Variants in MAP3K20 observed in about 807,000 individuals in gnomAD.
MAP3K20 encodes the protein HCCS-4.
A neutral mutation model predicts 85.7 loss-of-function variants in MAP3K20; 40 were observed. The observed-to-expected ratio is 0.47, with a 90% CI of 0.36 to 0.61. The LOEUF is 0.61. Among genes scored for constraint, MAP3K20 ranks in the 20% least tolerant of loss-of-function variants. The pLI is 0.00. For missense variants in MAP3K20, 817 were observed against 961.7 expected (o/e 0.85, Z 1.99); for synonymous variants, 325 against 327.7 (o/e 0.99, Z 0.09).
At chr2:173,157,323 C>CT (rs34277580) in intron 2 of MAP3K20, among the ~76,000 whole-genome samples, 50,565 of 143,192 alleles carry the variant, frequency 0.35, 9,215 homozygotes, top group African/African-American at 0.44. Flanking sequence ...GGTTTGGTAC[C>CT]TTTTTTTTTT....
intron 2 of MAP3K20, among the ~76,000 whole-genome samples, chr2:173,106,842 T>G (rs1314369543): frequency 6.6e-6 from 1 of 152,038 alleles, no homozygotes; most frequent in African/African-American, 2.4e-5. Context: ...ATACAGGAAT[T>G]GGTGGTCAGC....
intron 2 of MAP3K20, among the ~76,000 whole-genome samples, chr2:173,122,049 T>C (rs1559240129): frequency 6.6e-6 from 1 of 152,242 alleles, no homozygotes; most frequent in Non-Finnish European, 1.5e-5. Flanking sequence ...TGTCACATCC[T>C]CTTCCTTCAA....
At chr2:173,181,774 G>A (rs144466517) in intron 3 of MAP3K20, among the ~76,000 whole-genome samples, 1,951 of 152,020 alleles carry the variant, frequency 0.013, 24 homozygotes, top group Middle Eastern at 0.024. Context: ...GCGGCCAGGC[G>A]CAGTGGCTCA....
At chr2:173,078,801 G>A (rs1383664064) in intron 1 of MAP3K20, among the ~76,000 whole-genome samples, 1 of 152,130 alleles carries the variant, frequency 6.6e-6, no homozygotes, top group Non-Finnish European at 1.5e-5. Context: ...TAAACAAAAG[G>A]CAAATTAGAA....
intron 2 of MAP3K20, among the ~76,000 whole-genome samples, chr2:173,128,864 A>G (rs2106197579): frequency 6.6e-6 from 1 of 152,106 alleles, no homozygotes; most frequent in Admixed American, 6.5e-5. Context: ...ATTTTATATG[A>G]AATATGCTCC....
rs1304644986 is a variant in MAP3K20, at chr2:173,256,518, T to TAGACAGACAGACAGACAGAC, written c.1360-2178_1360-2177insCAGACAGACAGACAGACAGA. Among the ~76,000 whole-genome samples the TAGACAGACAGACAGACAGAC allele has an allele frequency of 4.2e-4, 26 of 61,668 alleles. No homozygotes were observed. In the South Asian group the frequency reaches 8.1e-3, roughly 19 times the overall value. The allele number at this position is 61,668 out of a possible 152,430, so 40.5% of individuals were successfully genotyped here. A position where few individuals can be genotyped will look rare whatever the true frequency, so the allele number is the denominator to read the frequency against. Reference sequence around the variant, plus strand: ...ATAGATAGATAGATAGATAGATAGATAGATAGATAGATAGACAGACAGACA... The same window carrying TAGACAGACAGACAGACAGAC: ...ATAGATAGATAGATAGATAGATAGATAGACAGACAGACAGACAGACAGATAGATAGATAGACAGACAGACA... On this transcript the variant is annotated intron_variant, in intron 16 of 19. Transcript: ENST00000375213.
At chr2:173,220,822 G>C (rs1026854239) in intron 11 of MAP3K20, among the ~76,000 whole-genome samples, 3 of 152,048 alleles carry the variant, frequency 2.0e-5, no homozygotes, top group Non-Finnish European at 2.9e-5. Flanking sequence ...AGTGAAATTG[G>C]GAAAAGTCAA....
chr2:173,118,975 G>T (rs551190659), intron 2 of MAP3K20, among the ~76,000 whole-genome samples: 2 of 152,328 alleles, frequency 1.3e-5, no homozygotes, highest in Non-Finnish European at 2.9e-5. Context: ...ACAGTAGATT[G>T]TATCAATCAG....
intron 2 of MAP3K20, among the ~76,000 whole-genome samples, chr2:173,169,443 G>A (rs1486583698): frequency 7.9e-5 from 12 of 152,034 alleles, no homozygotes; most frequent in Non-Finnish European, 1.2e-4. Context: ...AACTAAGGCC[G>A]GGCATGGTAG....
At position 173,132,362 on chromosome 2, in the gene MAP3K20, C is replaced by T. The variant is rs143014962; in HGVS notation, c.160-37443C>T. Reference sequence around the variant, plus strand: ...TCAACAAAGCTTTCGTCTTCTCCTCCGGCTGACTCCCCACCCCTTGCACCC... The same window carrying T: ...TCAACAAAGCTTTCGTCTTCTCCTCTGGCTGACTCCCCACCCCTTGCACCC... On this transcript the variant is annotated intron_variant, in intron 2 of 19. Coordinates refer to ENST00000375213, the MANE Select transcript of MAP3K20 (RefSeq NM_016653.3). Among the ~76,000 whole-genome samples the T allele has an allele frequency of 7.2e-5, 11 of 152,262 alleles. No homozygotes were observed. The East Asian group carries it at 1.9e-3, about 27-fold the overall frequency.
At chr2:173,255,241 A>G (rs1448034667) in intron 16 of MAP3K20, among the ~76,000 whole-genome samples, 3 of 152,196 alleles carry the variant, frequency 2.0e-5, no homozygotes, top group Admixed American at 1.3e-4. Flanking sequence ...GGTTGTATCA[A>G]CGAAATCTCT....
chr2:173,219,850 C>CTT (rs1415538893), intron 11 of MAP3K20, among the ~76,000 whole-genome samples: 1 of 151,976 alleles, frequency 6.6e-6, no homozygotes, highest in Non-Finnish European at 1.5e-5. Flanking sequence ...GGGTGGATCA[C>CTT]GAGGTCAGGC....
chr2:173,205,090 G>A (rs536506848), intron 9 of MAP3K20, among the ~76,000 whole-genome samples: 64 of 136,042 alleles, frequency 4.7e-4, no homozygotes, highest in Middle Eastern at 4.0e-3. Flanking sequence ...GTGACAGAGC[G>A]AGACTCTGTC....
chr2:173,087,950 A>G (rs906377741), intron 1 of MAP3K20, among the ~76,000 whole-genome samples: 7 of 152,202 alleles, frequency 4.6e-5, no homozygotes, highest in African/African-American at 7.2e-5. Context: ...AATTCTTAGG[A>G]TGGTAGCCAA....
intron 16 of MAP3K20, among the ~76,000 whole-genome samples, chr2:173,244,839 C>T (rs923605789): frequency 3.3e-5 from 5 of 152,186 alleles, no homozygotes; most frequent in African/African-American, 1.2e-4. Flanking sequence ...TCCTCCACAT[C>T]CCAATTAACC....
intron 2 of MAP3K20, chr2:173,160,256 T>C (rs181079263): frequency 6.6e-6 from 1 of 152,216 alleles, no homozygotes; most frequent in East Asian, 1.9e-4. Flanking sequence ...ACTGAATGGG[T>C]CTTGTTAAGC....
intron 1 of MAP3K20, among the ~76,000 whole-genome samples, chr2:173,081,709 G>T (rs894788171): frequency 2.0e-5 from 3 of 152,018 alleles, no homozygotes; most frequent in African/African-American, 2.4e-5. Flanking sequence ...TGAAGAAGAT[G>T]GCCAAATCGT....
chr2:173,220,828 G>A (rs1684224822), intron 11 of MAP3K20, among the ~76,000 whole-genome samples: 2 of 152,290 alleles, frequency 1.3e-5, no homozygotes, highest in South Asian at 4.1e-4. Flanking sequence ...ATTGGGAAAA[G>A]TCAAGATAAA....
chr2:173,181,264 C>T (rs1004890959), intron 3 of MAP3K20, among the ~76,000 whole-genome samples: 5 of 152,066 alleles, frequency 3.3e-5, no homozygotes, highest in African/African-American at 1.2e-4. Context: ...CACCTGTAAT[C>T]CCAGCTACTT....
Sources: gnomAD v4.1 joint callset for allele counts (sites outside exome capture counted in the v4.1 genomes callset) on GRCh38, gnomAD v4.1.1 for gene constraint, MANE v1.5 for transcripts, NCBI Gene and HGNC (gene_info 2026-07-23, HGNC 2026-07-21) for gene names.